Variants in GABRG3 observed in about 807,000 individuals in gnomAD.
GABRG3 encodes the protein gamma-aminobutyric acid type A receptor subunit gamma3.
Under a neutral mutation model 48.8 loss-of-function variants are expected in GABRG3, and 25 were observed. That is an observed-to-expected ratio of 0.51 (90% confidence interval 0.37 to 0.72). The LOEUF (loss-of-function observed/expected upper bound fraction) is 0.72, where lower values mean the gene tolerates loss of function less well. Among genes scored for constraint, GABRG3 ranks in the 30% least tolerant of loss-of-function variants. The pLI, the probability that GABRG3 is intolerant of heterozygous loss-of-function variation, is 0.00. For synonymous variants in GABRG3, 227 were observed against 217.6 expected, an observed-to-expected ratio of 1.04 and a Z score of -0.38; for missense variants, 394 against 577.9, an observed-to-expected ratio of 0.68 and a Z score of 3.26.
At chr15:27,318,481 T>C (rs1344298263) in intron 3 of GABRG3, among the ~76,000 whole-genome samples, 2 of 152,122 alleles carry the variant, frequency 1.3e-5, no homozygotes, top group Admixed American at 6.5e-5. Context: ...CGTGTGTTGA[T>C]GCTCTGAATC....
chr15:27,248,783 C>A (rs1192986289), intron 3 of GABRG3, among the ~76,000 whole-genome samples: 2 of 109,538 alleles, frequency 1.8e-5, no homozygotes, highest in Admixed American at 9.1e-5. Context: ...CACACACACA[C>A]ACACACACAC....
At position 27,319,698 on chromosome 15, in the gene GABRG3, C is replaced by T. The variant is rs769563319; in HGVS notation, c.271-7111C>T. Among the ~76,000 whole-genome samples the T allele has an allele frequency of 2.0e-5, 3 of 151,924 alleles. No homozygotes were observed. Among genetic ancestry groups the T allele is most frequent in the Non-Finnish European group, 4.4e-5 (3 of 67,980 alleles). ...GATGGGGAGGAAGGGAGGTCTGTGC[C>T]GGGATGTTGTACCAATGCGTGCACC... On this transcript the variant is annotated intron_variant, in intron 3 of 9. Coordinates refer to ENST00000615808, the MANE Select transcript of GABRG3 (RefSeq NM_033223.5). This position sits in a 1 kb window ranked among gnomAD's most constrained non-coding sequence, Gnocchi z 4.4.
Position 27,520,332 on chromosome 15 carries a change from G to A in GABRG3, c.865+208G>A, listed in dbSNP as rs116951819. Among the ~76,000 whole-genome samples the A allele has an allele frequency of 5.9e-5, 9 of 152,046 alleles. No individual in the cohort carries two copies. The East Asian group carries it at 1.4e-3, about 23-fold the overall frequency. On this transcript the variant is annotated intron_variant, in intron 7 of 9. Coordinates refer to ENST00000615808, the MANE Select transcript of GABRG3 (RefSeq NM_033223.5). ...CTATGTATGCCACTTAAATCAAGACGGCGTAGGAGATTCACAGTAAATCCA... is the reference window on the plus strand; with the variant it reads ...CTATGTATGCCACTTAAATCAAGACAGCGTAGGAGATTCACAGTAAATCCA...
chr15:27,306,979 A>ATAAACATGCTTATATATAAACAT (rs777908834), intron 3 of GABRG3, among the ~76,000 whole-genome samples: 1 of 68,648 alleles, frequency 1.5e-5, no homozygotes, highest in Admixed American at 1.5e-4. Flanking sequence ...AAACATATAT[A>ATAAACATGCTTATATATAAACAT]ATATAAACAT....
At chr15:27,192,725 C>T (rs1888360682) in intron 3 of GABRG3, among the ~76,000 whole-genome samples, 2 of 152,248 alleles carry the variant, frequency 1.3e-5, no homozygotes, top group African/African-American at 4.8e-5. Flanking sequence ...CTCAACTCGT[C>T]ATTCTCCGTC....
chr15:27,262,057 T>G (rs777314596), intron 3 of GABRG3, among the ~76,000 whole-genome samples: 3 of 152,148 alleles, frequency 2.0e-5, no homozygotes, highest in Non-Finnish European at 4.4e-5. Context: ...TCTCTCAAAT[T>G]CTTTCCCTTC....
chr15:27,243,077 C>G (rs1274719292), intron 3 of GABRG3, among the ~76,000 whole-genome samples: 1 of 152,138 alleles, frequency 6.6e-6, no homozygotes, highest in Non-Finnish European at 1.5e-5. Context: ...GCGTTTTGAT[C>G]TCTGATAGGA....
intron 6 of GABRG3, among the ~76,000 whole-genome samples, chr15:27,518,645 C>G: frequency 6.6e-6 from 1 of 151,980 alleles, no homozygotes; most frequent in African/African-American, 2.4e-5. Context: ...AAAAGAAGAG[C>G]ATGCTATGCA....
At chr15:27,372,387 A>T (rs183763919) in intron 5 of GABRG3, among the ~76,000 whole-genome samples, 11 of 151,988 alleles carry the variant, frequency 7.2e-5, no homozygotes, top group African/African-American at 2.7e-4. Flanking sequence ...TTTTGTATTT[A>T]TTTATTTATT....
chr15:27,285,193 G>A (rs1347036887), intron 3 of GABRG3, among the ~76,000 whole-genome samples: 1 of 151,362 alleles, frequency 6.6e-6, no homozygotes, highest in African/African-American at 2.4e-5. Context: ...TCTATAATAT[G>A]TTTTGTATAA....
At chr15:27,221,942 A>G (rs905957106) in intron 3 of GABRG3, among the ~76,000 whole-genome samples, 1 of 152,202 alleles carries the variant, frequency 6.6e-6, no homozygotes. Flanking sequence ...ATTGAAATCC[A>G]TTTAGTTTGA....
chr15:27,086,133 T>C (rs1897072950), intron 3 of GABRG3, among the ~76,000 whole-genome samples: 1 of 147,544 alleles, frequency 6.8e-6, no homozygotes, highest in South Asian at 2.1e-4. Flanking sequence ...TTTTTTTTTT[T>C]CTTGTAAAGG....
intron 3 of GABRG3, among the ~76,000 whole-genome samples, chr15:27,172,318 T>C (rs758468873): frequency 3.3e-5 from 5 of 152,126 alleles, no homozygotes; most frequent in Non-Finnish European, 5.9e-5. Context: ...TTTGAAATCT[T>C]GGAAGGCTCC....
intron 3 of GABRG3, among the ~76,000 whole-genome samples, chr15:27,060,196 C>T (rs1896621454): frequency 6.6e-6 from 1 of 152,192 alleles, no homozygotes; most frequent in Non-Finnish European, 1.5e-5. Flanking sequence ...AAGAGATTGT[C>T]TAAGACCATT....
chr15:27,170,541 CAG>C (rs1169890336), intron 3 of GABRG3, among the ~76,000 whole-genome samples: 1 of 152,048 alleles, frequency 6.6e-6, no homozygotes, highest in East Asian at 1.9e-4. Flanking sequence ...GAGAAGAAGA[CAG>C]AACAAAAACA....
intron 3 of GABRG3, among the ~76,000 whole-genome samples, chr15:27,135,755 A>C (rs771111689): frequency 6.6e-6 from 1 of 152,114 alleles, no homozygotes; most frequent in Non-Finnish European, 1.5e-5. Context: ...AAATACAAAA[A>C]TTAGCCAGTC....
intron 5 of GABRG3, among the ~76,000 whole-genome samples, chr15:27,329,618 A>C (rs1893737799): frequency 6.6e-6 from 1 of 152,194 alleles, no homozygotes; most frequent in Non-Finnish European, 1.5e-5. Context: ...GAAAGATACA[A>C]ATTTTTCTTT....
chr15:27,225,683 G>T (rs554626716), intron 3 of GABRG3, among the ~76,000 whole-genome samples: 2 of 152,070 alleles, frequency 1.3e-5, no homozygotes, highest in Admixed American at 1.3e-4. Context: ...CAGGAATGGT[G>T]TGAGGGACTT....
intron 6 of GABRG3, among the ~76,000 whole-genome samples, chr15:27,482,287 A>C (rs1890117941): frequency 6.6e-6 from 1 of 152,212 alleles, no homozygotes; most frequent in African/African-American, 2.4e-5. Context: ...ATAATAAAAA[A>C]ATTCCCATTT....
Sources: allele counts gnomAD v4.1 joint callset (sites outside exome capture counted in the v4.1 genomes callset), GRCh38; gene constraint gnomAD v4.1.1; non-coding constraint Gnocchi (gnomAD v3.1); transcripts MANE v1.5; gene names NCBI Gene and HGNC (gene_info 2026-07-23, HGNC 2026-07-21).